NECAB1: variants seen among roughly 807,000 people sequenced by gnomAD.
NECAB1 encodes N-terminal EF-hand calcium-binding protein 1.
Under a neutral mutation model 57.5 loss-of-function variants are expected in NECAB1, and 29 were observed. The observed-to-expected ratio is 0.50, with a 90% CI of 0.38 to 0.69. NECAB1 has a LOEUF of 0.69. Ranked by LOEUF, NECAB1 falls within the 30% of genes least tolerant of loss-of-function variation. NECAB1 has a pLI of 0.00. For synonymous variants in NECAB1, 142 were observed against 147.7 expected, an observed-to-expected ratio of 0.96 and a Z score of 0.28; for missense variants, 372 against 413.8, an observed-to-expected ratio of 0.90 and a Z score of 0.88.
chr8:90,909,871 T>C (rs1039689161), intron 5 of NECAB1, among the ~76,000 whole-genome samples: 3 of 152,116 alleles, frequency 2.0e-5, no homozygotes, highest in Non-Finnish European at 4.4e-5. Context: ...TCTTGAATAA[T>C]AGTTTCTAGT....
intron 5 of NECAB1, among the ~76,000 whole-genome samples, chr8:90,900,069 C>A (rs77117758): frequency 6.6e-6 from 1 of 152,094 alleles, no homozygotes; most frequent in Non-Finnish European, 1.5e-5. Context: ...TGAACCTTTC[C>A]CCTGCCTTTC....
chr8:90,809,846 C>T (rs1311412774), intron 2 of NECAB1, among the ~76,000 whole-genome samples: 1 of 151,902 alleles, frequency 6.6e-6, no homozygotes, highest in African/African-American at 2.4e-5. Flanking sequence ...ATGTAATAGC[C>T]TCTATATTAT....
intron 8 of NECAB1, 34 bp downstream of exon 8, chr8:90,928,333 C>T (rs377499987): frequency 6.4e-5 from 95 of 1,489,744 alleles, no homozygotes; most frequent in Non-Finnish European, 8.4e-5. Context: ...CTCTCTTCCA[C>T]TCTTCAAGAT....
chr8:90,952,199 G>T (rs549014086), intron 12 of NECAB1, among the ~76,000 whole-genome samples: 3 of 151,606 alleles, frequency 2.0e-5, no homozygotes, highest in African/African-American at 7.3e-5. Context: ...AACCAATTAG[G>T]GCAATAATCT....
At chr8:90,883,260 G>T (rs1808886893) in intron 5 of NECAB1, among the ~76,000 whole-genome samples, 3 of 151,476 alleles carry the variant, frequency 2.0e-5, no homozygotes, top group Admixed American at 2.0e-4. Flanking sequence ...AAAGGAAAAA[G>T]AAAAAAAAGA....
chr8:90,858,686 A>C (rs2129801147), intron 3 of NECAB1, among the ~76,000 whole-genome samples: 1 of 152,022 alleles, frequency 6.6e-6, no homozygotes. Context: ...AAACTTCTCT[A>C]GATTCCGAAG....
rs1327567014 is a variant in NECAB1, at chr8:90,958,231, A to G, written c.*2719A>G. 6.6e-6 allele frequency: 1 copy of G among 151,640 alleles called. No homozygotes were observed. Among genetic ancestry groups the G allele is most frequent in the Non-Finnish European group, 1.5e-5 (1 of 67,692 alleles). 9.4% of individuals were successfully genotyped at this position (151,640 alleles called of 1,614,324 possible). A position where few individuals can be genotyped will look rare whatever the true frequency, so the allele number is the denominator to read the frequency against. ...ATCGAATTAAAACTTAATGTATGTC[A>G]ATTATTTTCAAATGTCTAAATTCCT... On this transcript the variant is annotated 3_prime_UTR_variant, in exon 13 of 13. Transcript: ENST00000417640.
At chr8:90,804,905 T>C (rs1345851449) in intron 2 of NECAB1, among the ~76,000 whole-genome samples, 1 of 152,190 alleles carries the variant, frequency 6.6e-6, no homozygotes, top group Non-Finnish European at 1.5e-5. Flanking sequence ...TGAGGGACTA[T>C]CCATAAAGTT....
At chr8:90,906,907 A>ATGTATGTATATG (rs1563528380) in intron 5 of NECAB1, among the ~76,000 whole-genome samples, 1 of 57,306 alleles carries the variant, frequency 1.7e-5, no homozygotes, top group Admixed American at 2.3e-4. Flanking sequence ...ATATATATAT[A>ATGTATGTATATG]TATCTTCTCA....
intron 2 of NECAB1, among the ~76,000 whole-genome samples, chr8:90,802,495 T>C (rs955160735): frequency 2.6e-5 from 4 of 152,192 alleles, no homozygotes; most frequent in African/African-American, 4.8e-5. Context: ...ATAAGTACCA[T>C]GGTAGAGGTA....
chr8:90,894,351 T>C (rs1809271270), intron 5 of NECAB1, among the ~76,000 whole-genome samples: 1 of 152,214 alleles, frequency 6.6e-6, no homozygotes, highest in South Asian at 2.1e-4. Context: ...CATTAAAATA[T>C]GGAAAACTAC....
intron 1 of NECAB1, among the ~76,000 whole-genome samples, chr8:90,796,979 G>C (rs893245678): frequency 1.3e-5 from 2 of 152,170 alleles, no homozygotes; most frequent in Middle Eastern, 3.2e-3. Flanking sequence ...TTCTATTCTA[G>C]TTACTTCAAA....
chr8:90,911,099 A>G (rs1043226886), intron 5 of NECAB1, among the ~76,000 whole-genome samples: 1 of 152,136 alleles, frequency 6.6e-6, no homozygotes, highest in Non-Finnish European at 1.5e-5. Flanking sequence ...TATGCCACCA[A>G]CATGGCCATC....
chr8:90,901,045 T>A (rs2130020791), intron 5 of NECAB1, among the ~76,000 whole-genome samples: 1 of 152,306 alleles, frequency 6.6e-6, no homozygotes, highest in East Asian at 1.9e-4. Context: ...CATTAATATT[T>A]TTTAGTGCTC....
At chr8:90,833,385 C>T in intron 3 of NECAB1, among the ~76,000 whole-genome samples, 1 of 123,640 alleles carries the variant, frequency 8.1e-6, no homozygotes. Context: ...TTCATCTATT[C>T]CTCCCAAAAA....
At chr8:90,872,280 A>T (rs1407998765) in intron 4 of NECAB1, 127 bp downstream of exon 4, 1 of 731,160 alleles carries the variant, frequency 1.4e-6, no homozygotes, top group African/African-American at 1.8e-5. Flanking sequence ...AAATTAATCG[A>T]GATCTCAAGG....
At chr8:90,910,792 A>C (rs1165005048) in intron 5 of NECAB1, among the ~76,000 whole-genome samples, 8 of 152,118 alleles carry the variant, frequency 5.3e-5, no homozygotes, top group Non-Finnish European at 1.0e-4. Context: ...GCTATTCTCA[A>C]ATTAGCCATT....
intron 7 of NECAB1, among the ~76,000 whole-genome samples, chr8:90,928,003 A>G (rs1810317154): frequency 9.9e-6 from 1 of 101,362 alleles, no homozygotes; most frequent in Non-Finnish European, 1.7e-5. Flanking sequence ...CCAAATAGGC[A>G]ATTACATTAA....
At chr8:90,863,133 A>G (rs990421145) in intron 3 of NECAB1, among the ~76,000 whole-genome samples, 12 of 152,046 alleles carry the variant, frequency 7.9e-5, no homozygotes, top group African/African-American at 2.9e-4. Flanking sequence ...AAAAGAACGT[A>G]CTTTTCACTC....
Sources: allele counts gnomAD v4.1 joint callset (sites outside exome capture counted in the v4.1 genomes callset), GRCh38; gene constraint gnomAD v4.1.1; transcripts MANE v1.5; gene names NCBI Gene and HGNC (gene_info 2026-07-23, HGNC 2026-07-21).